Variants in XPNPEP2 observed in about 807,000 individuals in gnomAD.
The protein encoded by XPNPEP2 is xaa-Pro aminopeptidase 2.
Under a neutral mutation model 59.8 loss-of-function variants are expected in XPNPEP2, and 64 were observed. That is an observed-to-expected ratio of 1.07 (90% CI 0.87 to 1.32). The LOEUF is 1.32. XPNPEP2 is among the 40% of genes most tolerant of loss of function. The pLI is 0.00. For synonymous variants in XPNPEP2, 235 were observed against 210.0 expected, an observed-to-expected ratio of 1.12 and a Z score of -1.03; for missense variants, 575 against 546.8, an observed-to-expected ratio of 1.05 and a Z score of -0.51.
In XPNPEP2 at chrX:129,760,526, T is replaced by C. The variant is rs1569477541; in HGVS notation, c.1443T>C (p.Arg481=). ...CTCCCCATCAGGAGGCATACACCCG[T>C]GTGCTGATAGGAAATATTGACCTGT... ...PSAFQKEAYT[R]VLIGNIDLSR... is the part of the protein sequence containing the mutation. The change falls in exon 16 of 21, where the codon CGT becomes CGC. Residue 481 remains arginine (R), a synonymous_variant. Transcript: ENST00000371106. The C allele has an allele frequency of 1.7e-6, 2 of 1,211,863 alleles. No homozygotes were observed. The highest frequency in any genetic ancestry group is 2.2e-6 in the Non-Finnish European group (2 of 895,420).
intron 10 of XPNPEP2, 143 bp from the exon 11 acceptor site, chrX:129,753,016 T>C: frequency 2.0e-6 from 1 of 501,752 alleles, no homozygotes; most frequent in Non-Finnish European, 3.6e-6. Flanking sequence ...TAGAGAGCAT[T>C]GCCACGAAAT....
chrX:129,764,453 C>T (rs760525545), intron 19 of XPNPEP2, among the ~76,000 whole-genome samples: 32 of 109,362 alleles, frequency 2.9e-4, no homozygotes, highest in Non-Finnish European at 5.1e-4. Flanking sequence ...GTCAGGAGTT[C>T]GAGACCAGCC....
At chrX:129,746,761 C>T in intron 6 of XPNPEP2, 80 bp downstream of exon 6, 1 of 938,428 alleles carries the variant, frequency 1.1e-6, no homozygotes, top group Non-Finnish European at 1.5e-6. Flanking sequence ...AGAAATGGAC[C>T]TTGGTAGAAG....
chrX:129,745,167 CG>C, intron 3 of XPNPEP2, 35 bp from the exon 4 acceptor site: 1 of 1,208,310 alleles, frequency 8.3e-7, no homozygotes, highest in Non-Finnish European at 1.1e-6. Context: ...TCTGATACCA[CG>C]AAAAAGGCTA....
chrX:129,765,635 C>CTT (rs56014067), intron 19 of XPNPEP2, among the ~76,000 whole-genome samples: 1,739 of 67,160 alleles, frequency 0.026, 114 homozygotes, highest in African/African-American at 0.091. Flanking sequence ...TTCTTTCTTT[C>CTT]TTTTTTTTTT....
chrX:129,743,922 T>G (rs1380479581), intron 2 of XPNPEP2, 39 bp from the exon 3 acceptor site: 1 of 1,140,387 alleles, frequency 8.8e-7, no homozygotes, highest in Non-Finnish European at 1.2e-6. Flanking sequence ...CGTGTGTATC[T>G]GTTTGTTTGT....
intron 9 of XPNPEP2, 135 bp downstream of exon 9, chrX:129,751,961 T>G (rs1926428143): frequency 6.1e-6 from 5 of 813,323 alleles, no homozygotes; most frequent in Non-Finnish European, 9.0e-6. Flanking sequence ...CACGACCCTT[T>G]AGAAAACCCC....
chrX:129,754,992 G>A (rs1295164526), intron 12 of XPNPEP2, among the ~76,000 whole-genome samples: 2 of 111,879 alleles, frequency 1.8e-5, no homozygotes, highest in Non-Finnish European at 3.8e-5. Flanking sequence ...TGAGGTACAG[G>A]ATGCTCTCCC....
At chrX:129,765,635 CTTTTT>C (rs56014067) in intron 19 of XPNPEP2, among the ~76,000 whole-genome samples, 6 of 67,342 alleles carry the variant, frequency 8.9e-5, no homozygotes, top group African/African-American at 3.0e-4. Context: ...TTCTTTCTTT[CTTTTT>C]TTTTTTTTTT....
At chrX:129,739,293 A>G (rs373095869) in intron 1 of XPNPEP2, 31 bp downstream of exon 1, 2 of 1,192,903 alleles carry the variant, frequency 1.7e-6, no homozygotes, top group Non-Finnish European at 2.3e-6. Context: ...ACTGGAAGGC[A>G]GCTCTGACCT....
chrX:129,754,668 C>A, intron 12 of XPNPEP2, 87 bp downstream of exon 12: 1 of 892,932 alleles, frequency 1.1e-6, no homozygotes, highest in Non-Finnish European at 1.6e-6. Flanking sequence ...CCTTACTTAG[C>A]AGAAAGGAAG....
intron 13 of XPNPEP2, among the ~76,000 whole-genome samples, chrX:129,756,052 C>A (rs1239542156): frequency 2.7e-5 from 3 of 112,364 alleles, no homozygotes; most frequent in African/African-American, 9.7e-5. Flanking sequence ...GCCCTCTGCT[C>A]TCGGAGGCAG....
At chrX:129,767,274 C>A (rs757392340) in intron 19 of XPNPEP2, among the ~76,000 whole-genome samples, 1 of 112,187 alleles carries the variant, frequency 8.9e-6, no homozygotes, top group Non-Finnish European at 1.9e-5. Context: ...AAGGATTCTG[C>A]CTCCAGTAGG....
intron 3 of XPNPEP2, 22 bp downstream of exon 3, chrX:129,744,093 C>T: frequency 8.5e-7 from 1 of 1,176,419 alleles, no homozygotes; most frequent in East Asian, 3.0e-5. Flanking sequence ...CTTCTCTCCC[C>T]CTTGCCCTCT....
intron 18 of XPNPEP2, among the ~76,000 whole-genome samples, 154 bp downstream of exon 18, chrX:129,762,219 C>T (rs1383069246): frequency 8.9e-6 from 1 of 111,776 alleles, no homozygotes; most frequent in Non-Finnish European, 1.9e-5. Context: ...CGCCCAGCCC[C>T]AAATGGCTTG....
intron 14 of XPNPEP2, among the ~76,000 whole-genome samples, chrX:129,757,675 G>A (rs1412778744): frequency 9.4e-6 from 1 of 106,484 alleles, no homozygotes; most frequent in Non-Finnish European, 1.9e-5. Context: ...GTGTGGTGGA[G>A]CATGCTTCCC....
intron 3 of XPNPEP2, among the ~76,000 whole-genome samples, chrX:129,744,605 T>G (rs1926260445): frequency 8.9e-6 from 1 of 112,096 alleles, no homozygotes; most frequent in Non-Finnish European, 1.9e-5. Context: ...AGAGAGGGCA[T>G]TTTTAGTGTC....
intron 20 of XPNPEP2, 90 bp from the exon 21 acceptor site, chrX:129,768,201 G>T (rs915740660): frequency 1.1e-6 from 1 of 923,642 alleles, no homozygotes; most frequent in African/African-American, 2.0e-5. Flanking sequence ...GTGACAGCTG[G>T]AGTACCACAA....
rs774724468 is a variant in XPNPEP2, at chrX:129,759,183, C to T, written c.1371C>T (p.Asp457=). 9.9e-6 allele frequency: 12 copies of T among 1,211,779 alleles called. No individual in the cohort carries two copies. Among genetic ancestry groups the T allele is most frequent in the Admixed American group, 2.2e-5 (1 of 46,042 alleles). The change falls in exon 15 of 21, where the codon GAC becomes GAT. Residue 457 remains aspartate (D), a synonymous_variant. Transcript: ENST00000371106. ...TGTTGGTTTTCCTTCTCCATAGGGA[C>T]GGGACCACAGACATCACCAGAACAG... The part of the protein sequence containing the change: ...YLLDSGGQYW[D]GTTDITRTVH...
Sources: gnomAD v4.1 joint callset for allele counts (sites outside exome capture counted in the v4.1 genomes callset) on GRCh38, gnomAD v4.1.1 for gene constraint, MANE v1.5 for transcripts, NCBI Gene and HGNC (gene_info 2026-07-23, HGNC 2026-07-21) for gene names.